Variants in C1QTNF12 observed in about 807,000 individuals in gnomAD.
C1QTNF12 encodes the protein C1q and TNF related 12, also known as adipolin.
Under a neutral mutation model 34.3 loss-of-function variants are expected in C1QTNF12, and 39 were observed. The ratio of observed to expected loss-of-function variants is 1.14; its 90% CI spans 0.88 to 1.49. The LOEUF is 1.49. C1QTNF12 is among the 40% of genes most tolerant of loss of function. The probability of loss-of-function intolerance (pLI) is 0.00; values close to 1 mark genes in which losing one functional copy is unlikely to be tolerated. For synonymous variants in C1QTNF12, 220 were observed against 196.9 expected, an observed-to-expected ratio of 1.12 and a Z score of -0.98; for missense variants, 497 against 424.7, an observed-to-expected ratio of 1.17 and a Z score of -1.50.
rs767582220 is a variant in C1QTNF12, at chr1:1,244,091, G to A, written c.394C>T (p.Arg132Trp). 2.4e-5 allele frequency: 38 copies of A among 1,583,464 alleles called. No individual in the cohort carries two copies. The highest frequency in any genetic ancestry group is 1.5e-4 in the African/African-American group (11 of 74,248). ...QELLKEATER[R>W]FSGLLDPLLP... is the part of the protein sequence containing the mutation. ...AGCGGGTCCAGAAGCCCTGAGAACC[G>A]GCGCTCCGTGGCCTCTGTGGGGAGG... The change falls in exon 4 of 8, where the codon CGG becomes TGG. Residue 132 changes from arginine to tryptophan, a missense_variant. Transcript: ENST00000330388.
At position 1,244,223 on chromosome 1, in the gene C1QTNF12, G is replaced by A. The variant is rs376592543; in HGVS notation, c.347C>T (p.Thr116Ile). 2.5e-6 allele frequency: 4 copies of A among 1,596,672 alleles called. No individual in the cohort carries two copies. In the South Asian group the frequency reaches 4.5e-5, roughly 18 times the overall value. Reference sequence around the variant, plus strand: ...CAGCTCCTGAAACTCGTGAAGCAGAGTCTCCGCGGTCACTTCTGCACCTGG... The same window carrying A: ...CAGCTCCTGAAACTCGTGAAGCAGAATCTCCGCGGTCACTTCTGCACCTGG... ...GPPGAEVTAE[T>I]LLHEFQELLK... Residue 116 changes from threonine to isoleucine, a missense_variant, in exon 3 of 8, where the codon ACT becomes ATT. Thr to Ile is a moderately conservative substitution (Grantham distance 89, BLOSUM62 -1). Transcript: ENST00000330388.
intron 7 of C1QTNF12, 75 bp downstream of exon 7, chr1:1,242,758 CCT>C (rs1256482932): frequency 2.5e-6 from 4 of 1,575,322 alleles, no homozygotes; most frequent in Non-Finnish European, 3.5e-6. Flanking sequence ...AGGTCTGCGC[CCT>C]GAGTGCACCG....
intron 5 of C1QTNF12, 29 bp from the exon 6 acceptor site, chr1:1,243,181 G>A: frequency 8.6e-7 from 1 of 1,156,302 alleles, no homozygotes; most frequent in Non-Finnish European, 1.2e-6. Flanking sequence ...GGAGGGTGGT[G>A]CATGGGGGGC....
Position 1,246,397 on chromosome 1 carries a change from C to T in C1QTNF12, c.177+117G>A. The T allele has an allele frequency of 5.2e-6, 5 of 957,284 alleles. No homozygotes were observed. Among genetic ancestry groups the T allele is most frequent in the Non-Finnish European group, 6.8e-6 (5 of 739,238 alleles). The allele number at this position is 957,284 out of a possible 1,614,324, so 59.3% of individuals were successfully genotyped here. On this transcript the variant is annotated intron_variant, in intron 1 of 7. Coordinates refer to ENST00000330388, the MANE Select transcript of C1QTNF12 (RefSeq NM_001014980.3). The surrounding 1 kb of genome is among the most constrained non-coding windows in gnomAD (Gnocchi z 4.5). Reference sequence around the variant, plus strand: ...CAAGGCGGGACCGTGGCCGAGGCCTCGAAAAGGGCGACCCGGAGGCAGAGC... The same window carrying T: ...CAAGGCGGGACCGTGGCCGAGGCCTTGAAAAGGGCGACCCGGAGGCAGAGC...
chr1:1,246,263 G>A lies in C1QTNF12; in HGVS notation c.177+251C>T, dbSNP rs551892224. Among the ~76,000 whole-genome samples, 2 of 150,308 alleles carry A rather than the reference G, an allele frequency of 1.3e-5. No individual in the cohort carries two copies. The highest frequency in any genetic ancestry group is 4.0e-4 in the East Asian group (2 of 5,002). On this transcript the variant is annotated intron_variant, in intron 1 of 7. Transcript: ENST00000330388. The surrounding 1 kb of genome is among the most constrained non-coding windows in gnomAD (Gnocchi z 4.5). ...AGGGTTAACTGCGGCCCCCAACCGCGGGAAGCCCCCTTCACCCACCCACCC... is the reference window on the plus strand; with the variant it reads ...AGGGTTAACTGCGGCCCCCAACCGCAGGAAGCCCCCTTCACCCACCCACCC...
chr1:1,243,969 C>G lies in C1QTNF12; in HGVS notation c.516G>C (p.Leu172=). The G allele has an allele frequency of 6.2e-7, 1 of 1,609,214 alleles. No individual in the cohort carries two copies. Among genetic ancestry groups the G allele is most frequent in the Non-Finnish European group, 8.5e-7 (1 of 1,178,442 alleles). Residue 172 remains leucine (L), a synonymous_variant, in exon 4 of 8, where the codon CTG becomes CTC. Coordinates refer to ENST00000330388, the MANE Select transcript of C1QTNF12 (RefSeq NM_001014980.3). ...RRVDKRTLVE[L]HGFQAPAAQG... ...CTCCACTCACAGCCTGGAAACCATG[C>G]AGCTCCACCAGCGTCCGCTTGTCCA...
upstream of C1QTNF12, chr1:1,246,801 G>A (rs1240485808): frequency 6.4e-6 from 5 of 777,608 alleles, no homozygotes; most frequent in Non-Finnish European, 8.5e-6. This position sits in a 1 kb window ranked among gnomAD's most constrained non-coding sequence, Gnocchi z 4.5. Flanking sequence ...GGGCGCGCCC[G>A]GCCTCCGCCG....
chr1:1,246,809 C>T, upstream of C1QTNF12: 1 of 710,908 alleles, frequency 1.4e-6, no homozygotes, highest in Non-Finnish European at 1.9e-6. This position sits in a 1 kb window ranked among gnomAD's most constrained non-coding sequence, Gnocchi z 4.5. Flanking sequence ...CCGGCCTCCG[C>T]CGCTGCATGT....
At chr1:1,246,904 C>T (rs1005611732), upstream of C1QTNF12, among the ~76,000 whole-genome samples, 30 of 152,150 alleles carry the variant, frequency 2.0e-4, no homozygotes, top group African/African-American at 7.2e-4. This position sits in a 1 kb window ranked among gnomAD's most constrained non-coding sequence, Gnocchi z 4.5. Flanking sequence ...CAGCCCCCGT[C>T]CTCTCTGGCC....
In C1QTNF12 at chr1:1,244,419, C is replaced by T. The variant is rs546685849; in HGVS notation, c.256G>A (p.Ala86Thr). The part of the protein sequence containing the change: ...LNFVRRPDDG[A>T]LRKRCGSRDK... ...CTGCTTCCGCACCGCTTCCTTAAGG[C>T]GCCGTCGTCCGGCCGCCGGACAAAG... Residue 86 changes from alanine to threonine, a missense_variant, in exon 2 of 8, where the codon GCC becomes ACC. By Grantham distance (58) the Ala-to-Thr change is moderately conservative. Coordinates refer to ENST00000330388, the MANE Select transcript of C1QTNF12 (RefSeq NM_001014980.3). 2.4e-5 allele frequency: 39 copies of T among 1,611,836 alleles called. No homozygotes were observed. The East Asian group carries it at 2.9e-4, about 12-fold the overall frequency.
rs374646388 is a variant in C1QTNF12, at chr1:1,242,821, C to A, written c.810+14G>T. 6.2e-7 allele frequency: 1 copy of A among 1,611,818 alleles called. No individual in the cohort carries two copies. The highest frequency in any genetic ancestry group is 1.3e-5 in the African/African-American group (1 of 75,016). On this transcript the variant is annotated intron_variant, in intron 7 of 7. Coordinates refer to ENST00000330388, the MANE Select transcript of C1QTNF12 (RefSeq NM_001014980.3). ...GCACCCGAGCCCTCCCGCTCACACC[C>A]GGCCCGGACTCACCTGCAGCTGCAG...
rs756005836 is a variant in C1QTNF12, at chr1:1,244,236, C to T, written c.334G>A (p.Val112Met). Residue 112 changes from valine (V) to methionine (M), a missense_variant, in exon 3 of 8, where the codon GTG becomes ATG. Val to Met is a conservative substitution (Grantham distance 21, BLOSUM62 1). Transcript: ENST00000330388. ...TCGTGAAGCAGAGTCTCCGCGGTCA[C>T]TTCTGCACCTGGAGGTCCTGGGGGA... ...FGPPGPPGAE[V>M]TAETLLHEFQ... The T allele has an allele frequency of 1.3e-5, 21 of 1,599,246 alleles. No individual in the cohort carries two copies. The highest frequency in any genetic ancestry group is 1.8e-5 in the Non-Finnish European group (21 of 1,172,710).
chr1:1,245,386 A>G (rs1638868415), intron 1 of C1QTNF12, among the ~76,000 whole-genome samples: 1 of 144,580 alleles, frequency 6.9e-6, no homozygotes, highest in African/African-American at 2.6e-5. Flanking sequence ...ACCTCAGCCT[A>G]TCTGGGGGCT....
At position 1,242,791 on chromosome 1, in the gene C1QTNF12, C is replaced by T. The variant is rs374909487; in HGVS notation, c.810+44G>A. The T allele has an allele frequency of 1.5e-5, 24 of 1,601,406 alleles. No individual in the cohort carries two copies. The East Asian group carries it at 2.7e-4, about 18-fold the overall frequency. On this transcript the variant is annotated intron_variant, in intron 7 of 7. Coordinates refer to ENST00000330388, the MANE Select transcript of C1QTNF12 (RefSeq NM_001014980.3). ...CACCGAGCTCACACCCGGCCCAGCC[C>T]GAGTGCACCCGAGCCCTCCCGCTCA...
rs1368172955 is a variant in C1QTNF12, at chr1:1,242,922, A to G, written c.732-9T>C. 6.2e-7 allele frequency: 1 copy of G among 1,611,564 alleles called. No homozygotes were observed. The highest frequency in any genetic ancestry group is 2.2e-5 in the East Asian group (1 of 44,820). On this transcript the variant is annotated splice_polypyrimidine_tract_variant and intron_variant, in intron 6 of 7. Transcript: ENST00000330388. Reference sequence around the variant, plus strand: ...AGACGGCCTCCAGGCACCTGAACACAGCCCCACAGGGCAAGAGGGAGGCGT... The same window carrying G: ...AGACGGCCTCCAGGCACCTGAACACGGCCCCACAGGGCAAGAGGGAGGCGT...
rs773220882 is a variant in C1QTNF12 at position 1,244,424 on chromosome 1, T to C, written c.251A>G (p.Asp84Gly). 3.7e-6 allele frequency: 6 copies of C among 1,611,718 alleles called. No individual in the cohort carries two copies. Among genetic ancestry groups the C allele is most frequent in the Non-Finnish European group, 4.2e-6 (5 of 1,179,504 alleles). Residue 84 changes from aspartate to glycine, a missense_variant, in exon 2 of 8, where the codon GAC (aspartate) becomes GGC (glycine). By Grantham distance (94) the Asp-to-Gly change is moderately conservative (BLOSUM62 -1). Coordinates refer to ENST00000330388, the MANE Select transcript of C1QTNF12 (RefSeq NM_001014980.3). Reference protein sequence around the residue: ...TWLNFVRRPDDGALRKRCGSR... With the variant: ...TWLNFVRRPDGGALRKRCGSR... ...TCCGCACCGCTTCCTTAAGGCGCCGTCGTCCGGCCGCCGGACAAAGTTCAG... is the reference window on the plus strand; with the variant it reads ...TCCGCACCGCTTCCTTAAGGCGCCGCCGTCCGGCCGCCGGACAAAGTTCAG...
At chr1:1,244,755 C>CCCCACTCCTCAT (rs1204056048) in intron 1 of C1QTNF12, 1 of 417,812 alleles carries the variant, frequency 2.4e-6, no homozygotes, top group Admixed American at 4.1e-5. Context: ...CCCCTCCTCC[C>CCCCACTCCTCAT]CCCACTCCTC....
At chr1:1,246,869 G>C (rs1638907196), upstream of C1QTNF12, 1 of 346,156 alleles carries the variant, frequency 2.9e-6, no homozygotes, top group South Asian at 1.4e-4. The surrounding 1 kb of genome is among the most constrained non-coding windows in gnomAD (Gnocchi z 4.5). Flanking sequence ...AGGTCCCCCC[G>C]GGGTCCCGCT....
Position 1,246,591 on chromosome 1 carries a change from G to A in C1QTNF12, c.100C>T (p.Gln34Ter). 1.6e-6 allele frequency: 2 copies of A among 1,249,180 alleles called. No individual in the cohort carries two copies. The highest frequency in any genetic ancestry group is 2.0e-6 in the Non-Finnish European group (2 of 997,222). The allele number at this position is 1,249,180 out of a possible 1,614,324, so 77.4% of individuals were successfully genotyped here. Reference protein sequence around the residue: ...GARREAQRTQQPGQRADPPNA... With the variant: ...GARREAQRTQ ...GGGGGATCTGCGCGCTGGCCAGGCTGCTGCGTCCTCTGTGCCTCCCGCCGG... is the reference window on the plus strand; with the variant it reads ...GGGGGATCTGCGCGCTGGCCAGGCTACTGCGTCCTCTGTGCCTCCCGCCGG... Residue 34 changes from glutamine (Q) to a stop codon, truncating the protein, a stop_gained, in exon 1 of 8, where the codon CAG becomes TAG. Transcript: ENST00000330388. LOFTEE classifies it high-confidence loss of function. This position sits in a 1 kb window ranked among gnomAD's most constrained non-coding sequence, Gnocchi z 4.5.
Sources: allele counts gnomAD v4.1 joint callset (sites outside exome capture counted in the v4.1 genomes callset), GRCh38; gene constraint gnomAD v4.1.1; non-coding constraint Gnocchi (gnomAD v3.1); transcripts MANE v1.5; gene names NCBI Gene and HGNC (gene_info 2026-07-23, HGNC 2026-07-21).